Variants in CHD8 observed in about 807,000 individuals in gnomAD.
CHD8 encodes chromodomain helicase DNA binding protein 8, also known as ATP-dependent chromatin remodeler CHD8.
Under a neutral mutation model 279.2 loss-of-function variants are expected in CHD8, and 31 were observed. The ratio of observed to expected loss-of-function variants is 0.11; its 90% CI spans 0.08 to 0.15. The LOEUF is 0.15. CHD8 is among the 10% of genes least tolerant of loss of function. The probability of loss-of-function intolerance (pLI) is 1.00; values close to 1 mark genes in which losing one functional copy is unlikely to be tolerated. For synonymous variants in CHD8, 1,081 were observed against 1,139.6 expected (o/e 0.95, Z 1.04); for missense variants, 2,146 against 3,230.5 (o/e 0.66, Z 8.14).
chr14:21,429,789 C>A, intron 2 of CHD8: 1 of 241,008 alleles, frequency 4.1e-6, no homozygotes, highest in East Asian at 9.5e-5. Flanking sequence ...ACTATAGGTG[C>A]ATGCCACCAT....
chr14:21,412,089 G>GA (rs747487693), intron 10 of CHD8, among the ~76,000 whole-genome samples: 2 of 151,758 alleles, frequency 1.3e-5, no homozygotes, highest in Non-Finnish European at 2.9e-5. Context: ...AAAAGAAAAA[G>GA]AAAAAAGAGA....
chr14:21,400,171 G>A lies in CHD8; in HGVS notation c.4707C>T (p.His1569=), dbSNP rs751788951. 6 of 1,613,958 alleles carry A rather than the reference G, an allele frequency of 3.7e-6. No individual in the cohort carries two copies. The South Asian group carries it at 6.6e-5, about 18-fold the overall frequency. The change falls in exon 24 of 38, where the codon CAC becomes CAT. Residue 1569 remains histidine, a synonymous_variant. Transcript: ENST00000646647. The surrounding 1 kb of genome is among the most constrained non-coding windows in gnomAD (Gnocchi z 4.2). ...TLFQDESYKK[H]LKHQCNKVLL... ...CTTACTTGTTACACTGATGTTTCAA[G>A]TGCTTCTTATAACTTTCATCTTGGA...
rs1888116534 is a variant in CHD8, at chr14:21,403,376, A to G, written c.3518+77T>C. On this transcript the variant is annotated intron_variant, in intron 17 of 37. Transcript: ENST00000646647. This position sits in a 1 kb window ranked among gnomAD's most constrained non-coding sequence, Gnocchi z 4.3. ...CTCTTATTGCAATTGGTGAACTCTA[A>G]TTAAATCCAGGCCCTCCTACTTTTT... The G allele has an allele frequency of 7.5e-7, 1 of 1,339,124 alleles. No homozygotes were observed. Among genetic ancestry groups the G allele is most frequent in the African/African-American group, 1.5e-5 (1 of 68,282 alleles). The allele number at this position is 1,339,124 out of a possible 1,614,324, so 83.0% of individuals were successfully genotyped here.
chr14:21,385,335 A>T lies in CHD8; in HGVS notation c.*278T>A. The T allele has an allele frequency of 4.3e-6, 2 of 464,456 alleles. No individual in the cohort carries two copies. The highest frequency in any genetic ancestry group is 3.8e-6 in the Non-Finnish European group (1 of 263,644). 28.8% of individuals were successfully genotyped at this position (464,456 alleles called of 1,614,324 possible). ...GCGCTACATAGTCTGTGGTTAATGGAGGTGACTAGGGAGGGGTGAGCACAC... is the reference window on the plus strand; with the variant it reads ...GCGCTACATAGTCTGTGGTTAATGGTGGTGACTAGGGAGGGGTGAGCACAC... On this transcript the variant is annotated 3_prime_UTR_variant, in exon 38 of 38. Transcript: ENST00000646647.
In CHD8 at chr14:21,405,096, G is replaced by A. The variant is rs1054546498; in HGVS notation, c.3307+113C>T. On this transcript the variant is annotated intron_variant, in intron 16 of 37. Coordinates refer to ENST00000646647, the MANE Select transcript of CHD8 (RefSeq NM_001170629.2). This position sits in a 1 kb window ranked among gnomAD's most constrained non-coding sequence, Gnocchi z 4.2. ...CCATTTCCCTCCCATTCCTCAGTCCGCACCCCAAATTAGGTTGGTTGAGTC... is the reference window on the plus strand; with the variant it reads ...CCATTTCCCTCCCATTCCTCAGTCCACACCCCAAATTAGGTTGGTTGAGTC... 6.2e-5 allele frequency: 61 copies of A among 991,722 alleles called. 1 individual carries two copies. The highest frequency in any genetic ancestry group is 4.8e-4 in the South Asian group (29 of 60,592). 61.4% of individuals were successfully genotyped at this position (991,722 alleles called of 1,614,324 possible).
chr14:21,400,204 G>A lies in CHD8; in HGVS notation c.4674C>T (p.Asp1558=), dbSNP rs1887969421. The A allele has an allele frequency of 6.2e-7, 1 of 1,613,910 alleles. No homozygotes were observed. The highest frequency in any genetic ancestry group is 8.5e-7 in the Non-Finnish European group (1 of 1,179,876). ...KADWIRKYNP[D]TLFQDESYKK... is the part of the protein sequence containing the mutation. Reference sequence around the variant, plus strand: ...TATAACTTTCATCTTGGAACAAAGTGTCAGGGTTATATTTCCGGATCCAAT... The same window carrying A: ...TATAACTTTCATCTTGGAACAAAGTATCAGGGTTATATTTCCGGATCCAAT... The change falls in exon 24 of 38, where the codon GAC becomes GAT. Residue 1558 remains aspartate, a synonymous_variant. Coordinates refer to ENST00000646647, the MANE Select transcript of CHD8 (RefSeq NM_001170629.2). The surrounding 1 kb of genome is among the most constrained non-coding windows in gnomAD (Gnocchi z 4.2).
Position 21,399,583 on chromosome 14 carries a change from A to G in CHD8, c.4921+19T>C. Reference sequence around the variant, plus strand: ...TAAATCTTCAGTCGGAAAGGAGTAGAATAGGAGAAGATACGTACCATGTTT... The same window carrying G: ...TAAATCTTCAGTCGGAAAGGAGTAGGATAGGAGAAGATACGTACCATGTTT... On this transcript the variant is annotated intron_variant, in intron 26 of 37. Transcript: ENST00000646647. 6.5e-7 allele frequency: 1 copy of G among 1,546,194 alleles called. No homozygotes were observed. The highest frequency in any genetic ancestry group is 2.2e-5 in the East Asian group (1 of 44,546).
chr14:21,439,427 A>G (rs1889901357), intron 1 of CHD8, among the ~76,000 whole-genome samples: 1 of 152,188 alleles, frequency 6.6e-6, no homozygotes, highest in Non-Finnish European at 1.5e-5. Flanking sequence ...TGATTCTCTT[A>G]CAATATATAA....
chr14:21,404,080 C>G (rs1430908127), intron 16 of CHD8, among the ~76,000 whole-genome samples: 5 of 148,550 alleles, frequency 3.4e-5, no homozygotes, highest in Non-Finnish European at 7.4e-5. Flanking sequence ...GCCTGGGTGA[C>G]AGAGCGAGAC....
intron 36 of CHD8, 68 bp from the exon 37 acceptor site, chr14:21,391,131 A>T: frequency 2.9e-6 from 3 of 1,024,780 alleles, no homozygotes; most frequent in Non-Finnish European, 4.4e-6. Flanking sequence ...TTAAAGTACT[A>T]GTGTCTTTTG....
At chr14:21,449,128 T>C (rs1004720736) in intron 1 of CHD8, among the ~76,000 whole-genome samples, 8 of 151,826 alleles carry the variant, frequency 5.3e-5, no homozygotes, top group Non-Finnish European at 7.4e-5. Context: ...GAGCCAAGAC[T>C]GCGCCACTGC....
intron 30 of CHD8, 49 bp from the exon 31 acceptor site, chr14:21,394,534 G>GAACACAAGAAAACTGGTTATTT (rs1887688743): frequency 2.1e-6 from 2 of 946,394 alleles, no homozygotes; most frequent in Non-Finnish European, 2.8e-6. Flanking sequence ...CACATCAGAA[G>GAACACAAGAAAACTGGTTATTT]AACACAAGAA....
chr14:21,435,714 A>AT (rs1392055118), intron 1 of CHD8, among the ~76,000 whole-genome samples: 1 of 152,188 alleles, frequency 6.6e-6, no homozygotes, highest in Non-Finnish European at 1.5e-5. Context: ...GGTGTATTCA[A>AT]TATTATAATT....
chr14:21,447,371 CCCT>C (rs1890151528), intron 1 of CHD8, among the ~76,000 whole-genome samples: 1 of 150,936 alleles, frequency 6.6e-6, no homozygotes, highest in African/African-American at 2.4e-5. Context: ...GACACTATAT[CCCT>C]TTTTTTTTTT....
At chr14:21,450,217 A>G (rs1192299449) in intron 1 of CHD8, among the ~76,000 whole-genome samples, 1 of 151,984 alleles carries the variant, frequency 6.6e-6, no homozygotes, top group Admixed American at 6.5e-5. Context: ...TATATCTGAT[A>G]AAATCATGTT....
At chr14:21,418,172 A>G (rs1165705024) in intron 5 of CHD8, among the ~76,000 whole-genome samples, 1 of 152,066 alleles carries the variant, frequency 6.6e-6, no homozygotes, top group East Asian at 1.9e-4. Context: ...AAGAACAACA[A>G]AAAATTATGC....
At chr14:21,423,233 A>C (rs1275935018) in intron 5 of CHD8, among the ~76,000 whole-genome samples, 8 of 152,188 alleles carry the variant, frequency 5.3e-5, no homozygotes. Flanking sequence ...TAAAAAAAAG[A>C]AAGAAAAATA....
intron 29 of CHD8, 38 bp downstream of exon 29, chr14:21,395,260 C>T: frequency 6.4e-7 from 1 of 1,556,784 alleles, no homozygotes; most frequent in East Asian, 2.2e-5. Flanking sequence ...CAACCCACCA[C>T]CCCACACAGA....
chr14:21,401,436 C>G lies in CHD8; in HGVS notation c.4140G>C (p.Lys1380Asn). ...DPNFWQKWAK[K>N]ADLDMDLLNS... ...TGAGCAGATCCATGTCTAGGTCAGC[C>G]TTTTTGGCCCACTTTTGCCAAAAGT... Residue 1380 changes from lysine to asparagine, a missense_variant, in exon 21 of 38, where the codon AAG (lysine) becomes AAC (asparagine). Physicochemically the swap from Lys to Asn is moderately conservative, Grantham distance 94 (BLOSUM62 0). Coordinates refer to ENST00000646647, the MANE Select transcript of CHD8 (RefSeq NM_001170629.2). 1 of 1,601,354 alleles carries G rather than the reference C, an allele frequency of 6.2e-7. No homozygotes were observed. Among genetic ancestry groups the G allele is most frequent in the Non-Finnish European group, 8.5e-7 (1 of 1,173,626 alleles).
Sources: allele counts gnomAD v4.1 joint callset (sites outside exome capture counted in the v4.1 genomes callset), GRCh38; gene constraint gnomAD v4.1.1; non-coding constraint Gnocchi (gnomAD v3.1); transcripts MANE v1.5; gene names NCBI Gene and HGNC (gene_info 2026-07-23, HGNC 2026-07-21).